CD86: variants seen among roughly 807,000 people sequenced by gnomAD.
CD86 encodes the protein T-lymphocyte activation antigen CD86.
CD86 carries 11 observed loss-of-function variants against 32.1 expected under a neutral mutation model. The observed-to-expected ratio is 0.34, with a 90% CI of 0.22 to 0.57. The LOEUF (loss-of-function observed/expected upper bound fraction) is 0.57, where lower values mean the gene tolerates loss of function less well. CD86 is among the 20% of genes least tolerant of loss of function. The pLI, the probability that CD86 is intolerant of heterozygous loss-of-function variation, is 0.86. For missense variants in CD86, 359 were observed against 398.4 expected, an observed-to-expected ratio of 0.90 and a Z score of 0.84; for synonymous variants, 137 against 135.3, an observed-to-expected ratio of 1.01 and a Z score of -0.09.
intron 2 of CD86, among the ~76,000 whole-genome samples, chr3:122,101,509 A>ATATATAT (rs1436647275): frequency 4.7e-4 from 27 of 56,972 alleles, no homozygotes; most frequent in East Asian, 2.9e-3. Context: ...AAAAAAAAAA[A>ATATATAT]AAAAATATAT....
At chr3:122,097,211 T>TCCTTTCC (rs1468965019) in intron 2 of CD86, among the ~76,000 whole-genome samples, 3 of 152,220 alleles carry the variant, frequency 2.0e-5, no homozygotes, top group Non-Finnish European at 4.4e-5. Context: ...TTGAGATTTT[T>TCCTTTCC]CCTTTCCTTT....
At chr3:122,107,868 A>G (rs1437696291) in intron 4 of CD86, among the ~76,000 whole-genome samples, 3 of 152,214 alleles carry the variant, frequency 2.0e-5, no homozygotes, top group Admixed American at 2.0e-4. Context: ...TCCTATTCAG[A>G]CACTTCAGCC....
chr3:122,070,414 G>C (rs2072473366), intron 1 of CD86, among the ~76,000 whole-genome samples: 1 of 152,162 alleles, frequency 6.6e-6, no homozygotes, highest in African/African-American at 2.4e-5. Context: ...TAGAGGTTAT[G>C]AGAGTGAGGG....
intron 1 of CD86, chr3:122,077,749 GTCATTCTCA>G (rs1450227975): frequency 1.6e-5 from 16 of 985,290 alleles, no homozygotes; most frequent in Non-Finnish European, 1.9e-5. Context: ...TACGTTTGTA[GTCATTCTCA>G]TCAGTGGAAA....
In CD86 at chr3:122,103,559, C is replaced by G. The variant is rs1047493821; in HGVS notation, c.112C>G (p.Leu38Val). 6.8e-6 allele frequency: 11 copies of G among 1,613,662 alleles called. No individual in the cohort carries two copies. Among genetic ancestry groups the G allele is most frequent in the Middle Eastern group, 1.6e-4 (1 of 6,080 alleles). Reference sequence around the variant, plus strand: ...AGCTTATTTCAATGAGACTGCAGACCTGCCATGCCAATTTGCAAACTCTCA... The same window carrying G: ...AGCTTATTTCAATGAGACTGCAGACGTGCCATGCCAATTTGCAAACTCTCA... Reference protein sequence around the residue: ...IQAYFNETADLPCQFANSQNQ... With the variant: ...IQAYFNETADVPCQFANSQNQ... Residue 38 changes from leucine (L) to valine (V), a missense_variant, in exon 3 of 7, where the codon CTG becomes GTG. Physicochemically the swap from Leu to Val is conservative, Grantham distance 32. Transcript: ENST00000330540.
At chr3:122,103,894 A>G in intron 3 of CD86, 47 bp downstream of exon 3, 1 of 1,464,180 alleles carries the variant, frequency 6.8e-7, no homozygotes, top group South Asian at 1.2e-5. Flanking sequence ...TTCTCAGATG[A>G]GACTGCAAAT....
chr3:122,095,514 A>C (rs1323605774), intron 2 of CD86, among the ~76,000 whole-genome samples: 1 of 152,126 alleles, frequency 6.6e-6, no homozygotes, highest in Non-Finnish European at 1.5e-5. Flanking sequence ...GATTGGCTCA[A>C]AAGCTCATTC....
At chr3:122,103,912 A>G in intron 3 of CD86, 65 bp downstream of exon 3, 2 of 1,349,420 alleles carry the variant, frequency 1.5e-6, no homozygotes, top group Non-Finnish European at 2.1e-6. Flanking sequence ...AATGAGTTAG[A>G]AAAACACTGG....
intron 1 of CD86, among the ~76,000 whole-genome samples, chr3:122,084,780 C>T (rs189916544): frequency 2.8e-4 from 42 of 152,276 alleles, no homozygotes; most frequent in African/African-American, 9.9e-4. Flanking sequence ...ATCCCTTGTA[C>T]TGTATTCTAT....
intron 4 of CD86, among the ~76,000 whole-genome samples, chr3:122,108,172 C>T (rs982064178): frequency 6.6e-6 from 1 of 152,206 alleles, no homozygotes; most frequent in African/African-American, 2.4e-5. Context: ...TCAACAGGTA[C>T]CCCCATCTTC....
chr3:122,114,056 G>T (rs532742889), intron 5 of CD86, among the ~76,000 whole-genome samples: 1 of 151,962 alleles, frequency 6.6e-6, no homozygotes, highest in Non-Finnish European at 1.5e-5. Flanking sequence ...TTCGAGACCC[G>T]CCTGGCCAAC....
chr3:122,074,363 T>C (rs185713966), intron 1 of CD86, among the ~76,000 whole-genome samples: 1 of 152,200 alleles, frequency 6.6e-6, no homozygotes, highest in Non-Finnish European at 1.5e-5. Flanking sequence ...TCCATGGGCT[T>C]TCACAAAAGT....
intron 1 of CD86, among the ~76,000 whole-genome samples, chr3:122,071,004 A>G (rs1209083929): frequency 6.6e-6 from 1 of 152,220 alleles, no homozygotes; most frequent in Non-Finnish European, 1.5e-5. Flanking sequence ...ATTTTCAAAA[A>G]ATTGAGCACA....
chr3:122,084,725 G>A lies in CD86; in HGVS notation c.15-6876G>A, dbSNP rs184637750. 5.3e-5 allele frequency among the ~76,000 whole-genome samples: 8 copies of A among 152,282 alleles called. No individual in the cohort carries two copies. The East Asian group carries it at 1.5e-3, about 29-fold the overall frequency. On this transcript the variant is annotated intron_variant, in intron 1 of 6. Transcript: ENST00000330540. ...TAAGGTACTCCCAGAGAGACAGGTA[G>A]AAGCTGTGAGGCTTCTTATGACCAA...
At chr3:122,104,219 T>A (rs927927775) in intron 3 of CD86, among the ~76,000 whole-genome samples, 7 of 152,310 alleles carry the variant, frequency 4.6e-5, no homozygotes, top group Middle Eastern at 3.4e-3. Context: ...ATTCATTTTT[T>A]CCTTGGGTCC....
intron 1 of CD86, among the ~76,000 whole-genome samples, chr3:122,061,505 A>T (rs1208105656): frequency 1.3e-5 from 2 of 152,230 alleles, no homozygotes; most frequent in Non-Finnish European, 2.9e-5. Flanking sequence ...CCTGTATCAG[A>T]TTAGACAGTA....
intron 1 of CD86, among the ~76,000 whole-genome samples, chr3:122,076,336 GA>G (rs1251116664): frequency 6.6e-6 from 1 of 152,180 alleles, no homozygotes; most frequent in Non-Finnish European, 1.5e-5. Context: ...TGAGTACAAG[GA>G]AAAGAAGGAA....
At position 122,119,657 on chromosome 3, in the gene CD86, C is replaced by T; in HGVS notation, c.*123C>T. 1 of 641,922 alleles carries T rather than the reference C, an allele frequency of 1.6e-6. No homozygotes were observed. The highest frequency in any genetic ancestry group is 2.8e-6 in the Non-Finnish European group (1 of 358,478). The allele number at this position is 641,922 out of a possible 1,614,324, so 39.8% of individuals were successfully genotyped here. A position where few individuals can be genotyped will look rare whatever the true frequency, so the allele number is the denominator to read the frequency against. ...ATTACCATGAGTAATAAGGGGGCTC[C>T]AGGACTCCCTCTAAGTGGAATAGCC... On this transcript the variant is annotated 3_prime_UTR_variant, in exon 7 of 7. Coordinates refer to ENST00000330540, the MANE Select transcript of CD86 (RefSeq NM_175862.5).
At chr3:122,059,265 T>C (rs188002140) in intron 1 of CD86, among the ~76,000 whole-genome samples, 3 of 151,838 alleles carry the variant, frequency 2.0e-5, no homozygotes, top group Non-Finnish European at 4.4e-5. Flanking sequence ...GGTTGGAGGA[T>C]TGAGAGGAAG....
Sources: allele counts gnomAD v4.1 joint callset (sites outside exome capture counted in the v4.1 genomes callset), GRCh38; gene constraint gnomAD v4.1.1; transcripts MANE v1.5; gene names NCBI Gene and HGNC (gene_info 2026-07-23, HGNC 2026-07-21).